Variants in CORIN observed in about 807,000 individuals in gnomAD.
The protein encoded by CORIN is atrial natriuretic peptide-converting enzyme.
A neutral mutation model predicts 125.3 loss-of-function variants in CORIN; 117 were observed. That is an observed-to-expected ratio of 0.93 (90% CI 0.80 to 1.09). The LOEUF (loss-of-function observed/expected upper bound fraction) is 1.09, where lower values mean the gene tolerates loss of function less well. Among genes scored for constraint, CORIN ranks in the 50% least tolerant of loss-of-function variants. The pLI is 0.00. For missense variants in CORIN, 1,253 were observed against 1,306.7 expected, an observed-to-expected ratio of 0.96 and a Z score of 0.63; for synonymous variants, 450 against 466.4, an observed-to-expected ratio of 0.96 and a Z score of 0.45.
At chr4:47,718,677 T>C (rs1727210153) in intron 5 of CORIN, among the ~76,000 whole-genome samples, 1 of 152,254 alleles carries the variant, frequency 6.6e-6, no homozygotes, top group South Asian at 2.1e-4. Flanking sequence ...TGAATCCCAC[T>C]GTTTTTCAGT....
chr4:47,709,628 T>C (rs13119387), intron 5 of CORIN, among the ~76,000 whole-genome samples: 2 of 152,172 alleles, frequency 1.3e-5, no homozygotes, highest in Non-Finnish European at 2.9e-5. Flanking sequence ...TAAATATGTT[T>C]TTCCTTTAAA....
At chr4:47,698,398 G>A (rs1223720982) in intron 5 of CORIN, among the ~76,000 whole-genome samples, 2 of 151,862 alleles carry the variant, frequency 1.3e-5, no homozygotes, top group African/African-American at 2.4e-5. Context: ...CTAGTGCAAA[G>A]TTCCTCCGGC....
chr4:47,633,135 A>C (rs895945468), intron 16 of CORIN, among the ~76,000 whole-genome samples: 2 of 152,130 alleles, frequency 1.3e-5, no homozygotes, highest in African/African-American at 4.8e-5. Flanking sequence ...GGAGTGTAGT[A>C]ACTGTATTAG....
rs1345442028 is a variant in CORIN, at chr4:47,725,942, A to G, written c.799+18460T>C. The stretch of plus-strand genomic sequence containing the variant: ...AACAACCCCCCACTCCTGCCATAAA[A>G]TGAGCAAAAGATACGAACAGACACT... On this transcript the variant is annotated intron_variant, in intron 5 of 21. Coordinates refer to ENST00000273857, the MANE Select transcript of CORIN (RefSeq NM_006587.4). Among the ~76,000 whole-genome samples the G allele has an allele frequency of 3.9e-5, 6 of 152,196 alleles. 1 individual carries two copies. The highest frequency in any genetic ancestry group is 1.4e-4 in the African/African-American group (6 of 41,564).
intron 12 of CORIN, among the ~76,000 whole-genome samples, chr4:47,659,434 C>A (rs1187698960): frequency 6.6e-6 from 1 of 152,184 alleles, no homozygotes; most frequent in Non-Finnish European, 1.5e-5. Flanking sequence ...TTAATTGACT[C>A]ATGGTTCTGC....
At chr4:47,604,273 T>C (rs955608541) in intron 19 of CORIN, among the ~76,000 whole-genome samples, 1 of 152,210 alleles carries the variant, frequency 6.6e-6, no homozygotes, top group Non-Finnish European at 1.5e-5. Flanking sequence ...TCCCTCTCAG[T>C]CTTTTCTTCT....
At chr4:47,731,214 G>T (rs1026821100) in intron 5 of CORIN, among the ~76,000 whole-genome samples, 1 of 152,300 alleles carries the variant, frequency 6.6e-6, no homozygotes, top group East Asian at 1.9e-4. Flanking sequence ...TATCAGATTG[G>T]TTTTGTATCT....
At chr4:47,661,257 T>C (rs1356240329) in intron 12 of CORIN, among the ~76,000 whole-genome samples, 1 of 152,182 alleles carries the variant, frequency 6.6e-6, no homozygotes, top group Non-Finnish European at 1.5e-5. Context: ...TAAGATCTAG[T>C]ATTTGATAGC....
Position 47,824,725 on chromosome 4 carries a change from G to T in CORIN, c.63+13162C>A, listed in dbSNP as rs77082414. Among the ~76,000 whole-genome samples, 847 of 152,322 alleles carry T rather than the reference G, an allele frequency of 5.6e-3. 5 individuals carry two copies. The highest frequency in any genetic ancestry group is 0.019 in the African/African-American group (795 of 41,558). On this transcript the variant is annotated intron_variant, in intron 1 of 21. Coordinates refer to ENST00000273857, the MANE Select transcript of CORIN (RefSeq NM_006587.4). ...GCAGAATAAAAAGCACCACAGGCCA[G>T]ATTAGAGCTGTGTATCCAAGTCTAG...
At chr4:47,648,547 A>G (rs1176595385) in intron 13 of CORIN, among the ~76,000 whole-genome samples, 2 of 151,500 alleles carry the variant, frequency 1.3e-5, no homozygotes, top group African/African-American at 2.4e-5. Context: ...CAGAGGCAGT[A>G]CCCCCCCACC....
rs113624533 is a variant in CORIN, at chr4:47,692,477, CACATAAGGCTGA to C, written c.913+481_913+492del. On this transcript the variant is annotated intron_variant, in intron 6 of 21. Coordinates refer to ENST00000273857, the MANE Select transcript of CORIN (RefSeq NM_006587.4). ...CAATCAATGGGGAATAAATTGAGGA[CACATAAGGCTGA>C]ATCTACTGATTAGTGGATTTTAAAC... Among the ~76,000 whole-genome samples the C allele has an allele frequency of 5.2e-3, 785 of 151,644 alleles. 8 individuals carry two copies. The highest frequency in any genetic ancestry group is 0.018 in the African/African-American group (741 of 41,294).
chr4:47,623,867 A>G lies in CORIN; in HGVS notation c.2365+32T>C, dbSNP rs1722443913. The G allele has an allele frequency of 2.5e-6, 4 of 1,609,358 alleles. No homozygotes were observed. In the South Asian group the frequency reaches 3.3e-5, roughly 13 times the overall value. The stretch of plus-strand genomic sequence containing the variant: ...GAGCCAATCCAGTTCAATTAAGTTC[A>G]TATCCCATTGCCACACCTCTAATTC... On this transcript the variant is annotated intron_variant, in intron 18 of 21. Transcript: ENST00000273857.
At chr4:47,805,148 A>AAAAAAAAATAATAAT (rs796469224) in intron 2 of CORIN, among the ~76,000 whole-genome samples, 1 of 129,166 alleles carries the variant, frequency 7.7e-6, no homozygotes, top group African/African-American at 2.9e-5. Context: ...AAAAAAAAAA[A>AAAAAAAAATAATAAT]AATAATAATA....
chr4:47,680,153 C>T lies in CORIN; in HGVS notation c.1120G>A (p.Glu374Lys), dbSNP rs139346053. The stretch of plus-strand genomic sequence containing the variant: ...TCAGAGCACTCACAGCAGTTGACCT[C>T]GTCAGACTTATCCACACAGTCGTGG... ...GDHDCVDKSD[E>K]VNCSCHSQGL... The change falls in exon 8 of 22, where the codon GAG (glutamate) becomes AAG (lysine). Residue 374 changes from glutamate (E) to lysine (K), a missense_variant. Physicochemically the swap from Glu to Lys is moderately conservative, Grantham distance 56 (BLOSUM62 1). Coordinates refer to ENST00000273857, the MANE Select transcript of CORIN (RefSeq NM_006587.4). 35 of 1,611,872 alleles carry T rather than the reference C, an allele frequency of 2.2e-5. No homozygotes were observed. In the African/African-American group the frequency reaches 2.5e-4, roughly 12 times the overall value.
intron 9 of CORIN, among the ~76,000 whole-genome samples, chr4:47,676,642 T>C (rs1006559999): frequency 2.0e-5 from 3 of 152,194 alleles, no homozygotes; most frequent in African/African-American, 7.2e-5. Context: ...CACCACAATA[T>C]ACATTTTTTG....
chr4:47,661,587 G>C, intron 12 of CORIN, 124 bp downstream of exon 12: 2 of 883,282 alleles, frequency 2.3e-6, no homozygotes, highest in Non-Finnish European at 3.3e-6. Context: ...ACTCACCTAA[G>C]CAGCCTGATT....
chr4:47,662,671 T>G (rs1049382665), intron 11 of CORIN, among the ~76,000 whole-genome samples: 4 of 152,124 alleles, frequency 2.6e-5, no homozygotes, highest in Non-Finnish European at 5.9e-5. Context: ...AATATACTCT[T>G]AATGGACTCA....
intron 16 of CORIN, among the ~76,000 whole-genome samples, chr4:47,640,428 G>T (rs1176900171): frequency 6.6e-6 from 1 of 152,150 alleles, no homozygotes; most frequent in Non-Finnish European, 1.5e-5. Context: ...GAAATATCCA[G>T]AATAGGCCAA....
At chr4:47,829,037 A>G (rs1732859111) in intron 1 of CORIN, among the ~76,000 whole-genome samples, 2 of 151,784 alleles carry the variant, frequency 1.3e-5, no homozygotes, top group African/African-American at 4.8e-5. Context: ...GGGCGCCTGT[A>G]GTCCCAGCTA....
Sources: allele counts gnomAD v4.1 joint callset (sites outside exome capture counted in the v4.1 genomes callset), GRCh38; gene constraint gnomAD v4.1.1; transcripts MANE v1.5; gene names NCBI Gene and HGNC (gene_info 2026-07-23, HGNC 2026-07-21).